Variants in XPO4 observed in about 807,000 individuals in gnomAD.
XPO4 encodes the protein exportin 4.
Under a neutral mutation model 143.0 loss-of-function variants are expected in XPO4, and 39 were observed. The observed-to-expected ratio is 0.27, with a 90% confidence interval of 0.21 to 0.36. The LOEUF (loss-of-function observed/expected upper bound fraction) is 0.36. Ranked by LOEUF, XPO4 falls within the 10% of genes least tolerant of loss-of-function variation. XPO4 has a pLI of 1.00. For missense variants in XPO4, 907 were observed against 1,348.0 expected (o/e 0.67, Z 5.12); for synonymous variants, 439 against 474.0 (o/e 0.93, Z 0.96).
At chr13:20,792,021 G>A (rs951293492) in intron 18 of XPO4, among the ~76,000 whole-genome samples, 3 of 152,172 alleles carry the variant, frequency 2.0e-5, no homozygotes, top group Admixed American at 6.5e-5. Flanking sequence ...TGGTACTAGA[G>A]CTTGACTCCC....
intron 20 of XPO4, 22 bp downstream of exon 20, chr13:20,788,464 G>C (rs2059236161): frequency 1.2e-6 from 2 of 1,603,408 alleles, no homozygotes; most frequent in African/African-American, 1.3e-5. Context: ...ACAAGTAACA[G>C]TGATGTTCAT....
intron 7 of XPO4, among the ~76,000 whole-genome samples, chr13:20,825,731 A>T (rs2059776497): frequency 6.6e-6 from 1 of 152,202 alleles, no homozygotes; most frequent in African/African-American, 2.4e-5. Context: ...TTCCTGTCAG[A>T]TGAGGCAGGC....
chr13:20,794,186 C>T (rs763041902), intron 18 of XPO4, among the ~76,000 whole-genome samples: 4 of 152,074 alleles, frequency 2.6e-5, no homozygotes, highest in Non-Finnish European at 5.9e-5. Context: ...GTAGGAAACA[C>T]GATGGAATCA....
intron 1 of XPO4, among the ~76,000 whole-genome samples, chr13:20,873,665 CTG>C (rs2060324504): frequency 6.6e-6 from 1 of 152,148 alleles, no homozygotes; most frequent in Non-Finnish European, 1.5e-5. Flanking sequence ...CAGAGTCACT[CTG>C]TTACCCAGGC....
At chr13:20,822,690 A>G (rs1029263752) in intron 7 of XPO4, among the ~76,000 whole-genome samples, 4 of 152,236 alleles carry the variant, frequency 2.6e-5, no homozygotes, top group African/African-American at 9.6e-5. Flanking sequence ...GAGTATATAG[A>G]TGCTGCTTTA....
At chr13:20,900,152 C>T (rs778907309) in intron 1 of XPO4, among the ~76,000 whole-genome samples, 4 of 152,132 alleles carry the variant, frequency 2.6e-5, no homozygotes, top group African/African-American at 4.8e-5. Context: ...TTTGGGAGGC[C>T]GAGGCAGGTG....
At chr13:20,894,739 G>C (rs997186304) in intron 1 of XPO4, among the ~76,000 whole-genome samples, 2 of 151,954 alleles carry the variant, frequency 1.3e-5, no homozygotes, top group African/African-American at 4.8e-5. Context: ...AGCTACTGGG[G>C]AGGCTAAGGC....
chr13:20,849,672 T>C (rs1425317545), intron 4 of XPO4: 2 of 984,654 alleles, frequency 2.0e-6, no homozygotes, highest in African/African-American at 3.5e-5. Flanking sequence ...CAGGCATAAA[T>C]TAACTAAGAA....
At chr13:20,879,189 G>A (rs1197380504) in intron 1 of XPO4, 6 of 985,260 alleles carry the variant, frequency 6.1e-6, no homozygotes, top group Non-Finnish European at 7.2e-6. Context: ...TAAAGCCAGG[G>A]CCCATCTCAG....
intron 6 of XPO4, among the ~76,000 whole-genome samples, chr13:20,835,740 T>C (rs1027064912): frequency 6.6e-6 from 1 of 152,188 alleles, no homozygotes; most frequent in Non-Finnish European, 1.5e-5. Flanking sequence ...GGTCCACTTG[T>C]ACTTTCACTA....
intron 18 of XPO4, among the ~76,000 whole-genome samples, chr13:20,794,322 T>C (rs997998882): frequency 1.4e-5 from 2 of 147,942 alleles, no homozygotes; most frequent in African/African-American, 4.9e-5. Context: ...AGTGGGGGCA[T>C]AGAATAAGAA....
At chr13:20,802,399 T>C (rs1395487008) in intron 13 of XPO4, among the ~76,000 whole-genome samples, 2 of 152,140 alleles carry the variant, frequency 1.3e-5, no homozygotes, top group Admixed American at 6.5e-5. Context: ...CAGTGCTCGT[T>C]TGAGTTTTTT....
chr13:20,883,251 G>A (rs759091371), intron 1 of XPO4, among the ~76,000 whole-genome samples: 15 of 152,190 alleles, frequency 9.9e-5, no homozygotes, highest in Non-Finnish European at 1.9e-4. Context: ...ACACAGCATG[G>A]AGCTTCAATG....
chr13:20,834,586 A>G (rs913813836), intron 6 of XPO4, among the ~76,000 whole-genome samples: 12 of 151,954 alleles, frequency 7.9e-5, no homozygotes, highest in African/African-American at 2.7e-4. Flanking sequence ...AAAAAAATGT[A>G]CTTAGAATAA....
chr13:20,797,082 C>T lies in XPO4; in HGVS notation c.2323-25G>A, dbSNP rs756056911. Reference sequence around the variant, plus strand: ...CCTATAAAAATAAACCAGGAATTTTCTTAAAGCTCAGTTCTCATGCTTTAT... The same window carrying T: ...CCTATAAAAATAAACCAGGAATTTTTTTAAAGCTCAGTTCTCATGCTTTAT... On this transcript the variant is annotated intron_variant, in intron 16 of 22. Transcript: ENST00000255305. 206 of 1,545,120 alleles carry T rather than the reference C, an allele frequency of 1.3e-4. 1 individual carries two copies. Among genetic ancestry groups the T allele is most frequent in the South Asian group, 1.4e-4 (11 of 78,622 alleles).
At position 20,877,453 on chromosome 13, in the gene XPO4, T is replaced by A. The variant is rs553392258; in HGVS notation, c.70-8752A>T. Among the ~76,000 whole-genome samples, 161 of 152,206 alleles carry A rather than the reference T, an allele frequency of 1.1e-3. 1 individual carries two copies. Among genetic ancestry groups the A allele is most frequent in the Non-Finnish European group, 1.5e-3 (101 of 68,028 alleles). On this transcript the variant is annotated intron_variant, in intron 1 of 22. Coordinates refer to ENST00000255305, the MANE Select transcript of XPO4 (RefSeq NM_022459.5). ...AGGGAGATGACTCAGCTAGAAACAC[T>A]CTTCTTTCCTGTTCCCCAGAAGTAG...
intron 14 of XPO4, 119 bp downstream of exon 14, chr13:20,800,712 A>T: frequency 7.8e-7 from 1 of 1,282,746 alleles, no homozygotes; most frequent in Non-Finnish European, 1.1e-6. Context: ...CCACACAGAA[A>T]ATGTTAAACT....
intron 13 of XPO4, among the ~76,000 whole-genome samples, chr13:20,804,235 TTATA>T (rs751785302): frequency 6.7e-6 from 1 of 148,898 alleles, no homozygotes; most frequent in African/African-American, 2.5e-5. Flanking sequence ...CACACACACA[TTATA>T]TATATATATA....
Position 20,861,777 on chromosome 13 carries a change from C to CTTT in XPO4, c.317+937_317+939dup, listed in dbSNP as rs71200306. 1.4e-3 allele frequency among the ~76,000 whole-genome samples: 101 copies of CTTT among 73,444 alleles called. 6 individuals are homozygous for CTTT. Among genetic ancestry groups the CTTT allele is most frequent in the Non-Finnish European group, 1.9e-3 (75 of 39,174 alleles). 48.2% of individuals were successfully genotyped at this position (73,444 alleles called of 152,430 possible). On this transcript the variant is annotated intron_variant, in intron 3 of 22. Coordinates refer to ENST00000255305, the MANE Select transcript of XPO4 (RefSeq NM_022459.5). Reference sequence around the variant, plus strand: ...TTAATAGAACCTTGCACATTTCTCTCTTTTTTTTTTTTTTTTTTTTTTTTT... The same window carrying CTTT: ...TTAATAGAACCTTGCACATTTCTCTCTTTTTTTTTTTTTTTTTTTTTTTTTTTT...
Sources: gnomAD v4.1 joint callset for allele counts (sites outside exome capture counted in the v4.1 genomes callset) on GRCh38, gnomAD v4.1.1 for gene constraint, MANE v1.5 for transcripts, NCBI Gene and HGNC (gene_info 2026-07-23, HGNC 2026-07-21) for gene names.